PIP5K1B: variants seen among roughly 807,000 people sequenced by gnomAD.
PIP5K1B encodes phosphatidylinositol-4-phosphate 5-kinase type 1 beta.
Under a neutral mutation model 67.0 loss-of-function variants are expected in PIP5K1B, and 42 were observed. The observed-to-expected ratio is 0.63, with a 90% CI of 0.49 to 0.81. The LOEUF (loss-of-function observed/expected upper bound fraction) is 0.81, where lower values mean the gene tolerates loss of function less well. Among genes scored for constraint, PIP5K1B ranks in the 30% least tolerant of loss-of-function variants. PIP5K1B has a pLI of 0.00. For synonymous variants in PIP5K1B, 214 were observed against 231.4 expected (o/e 0.92, Z 0.68); for missense variants, 459 against 646.3 (o/e 0.71, Z 3.14).
rs538582941 is a variant in PIP5K1B at position 68,952,825 on chromosome 9, G to GCCTTCCTT, written c.1502+12048_1502+12055dup. 1.8e-4 allele frequency among the ~76,000 whole-genome samples: 25 copies of GCCTTCCTT among 142,462 alleles called. 1 individual carries two copies. The highest frequency in any genetic ancestry group is 5.4e-4 in the African/African-American group (19 of 34,968). 93.5% of individuals were successfully genotyped at this position (142,462 alleles called of 152,430 possible). On this transcript the variant is annotated intron_variant, in intron 14 of 15. Transcript: ENST00000265382. ...TGCCTGTCTGCCTGCCTGCCTGCCT[G>GCCTTCCTT]CCTTCCTTCCTTCCTTCCTTTCTTC...
rs565058701 is a variant in PIP5K1B at position 68,972,402 on chromosome 9, C to T, written c.1503-18738C>T. 6.6e-5 allele frequency among the ~76,000 whole-genome samples: 10 copies of T among 152,094 alleles called. No homozygotes were observed. The South Asian group carries it at 1.2e-3, about 19-fold the overall frequency. ...CAGCCATTTGATTGTTAATAATGGG[C>T]GATCGAGGCGGGTGGATCACCTGAG... On this transcript the variant is annotated intron_variant, in intron 14 of 15. Coordinates refer to ENST00000265382, the MANE Select transcript of PIP5K1B (RefSeq NM_003558.4).
At chr9:68,927,531 A>T (rs961202870) in intron 12 of PIP5K1B, among the ~76,000 whole-genome samples, 9 of 152,180 alleles carry the variant, frequency 5.9e-5, no homozygotes, top group Admixed American at 4.6e-4. Flanking sequence ...TAATGGTATT[A>T]AACATCTTGT....
At chr9:68,882,572 G>GA (rs1824252240) in intron 6 of PIP5K1B, among the ~76,000 whole-genome samples, 1 of 152,098 alleles carries the variant, frequency 6.6e-6, no homozygotes, top group Non-Finnish European at 1.5e-5. Context: ...GGGAGCAGAT[G>GA]TTCAGGTCTG....
intron 2 of PIP5K1B, among the ~76,000 whole-genome samples, chr9:68,763,617 A>G (rs775666509): frequency 3.3e-5 from 5 of 152,134 alleles, no homozygotes; most frequent in African/African-American, 9.7e-5. Context: ...AAAAAATACA[A>G]TTCACAGCTC....
At chr9:68,940,152 A>G (rs2132634229) in intron 13 of PIP5K1B, among the ~76,000 whole-genome samples, 1 of 152,366 alleles carries the variant, frequency 6.6e-6, no homozygotes, top group Non-Finnish European at 1.5e-5. Flanking sequence ...AGATGGGGTT[A>G]AGGTAGAGCT....
rs1827065002 is a variant in PIP5K1B at position 68,705,279 on chromosome 9, G to A, written c.-726G>A. Reference sequence around the variant, plus strand: ...CTCCGACTCCGGCGCGCACCAAGCGGGAACCCGCGCCCGAGCCCGGCGGGC... The same window carrying A: ...CTCCGACTCCGGCGCGCACCAAGCGAGAACCCGCGCCCGAGCCCGGCGGGC... On this transcript the variant is annotated 5_prime_UTR_variant, in exon 1 of 16. Coordinates refer to ENST00000265382, the MANE Select transcript of PIP5K1B (RefSeq NM_003558.4). 6.6e-6 allele frequency: 1 copy of A among 151,752 alleles called. No individual in the cohort carries two copies. The highest frequency in any genetic ancestry group is 2.4e-5 in the African/African-American group (1 of 41,398). 9.4% of individuals were successfully genotyped at this position (151,752 alleles called of 1,614,324 possible).
At position 68,813,736 on chromosome 9, in the gene PIP5K1B, G is replaced by A. The variant is rs138698976; in HGVS notation, c.-85-4725G>A. ...AAGAGGGAGACACATGGAGAGAAGCGCTAAATGGTGACAGAGGCCAGGGCT... is the reference window on the plus strand; with the variant it reads ...AAGAGGGAGACACATGGAGAGAAGCACTAAATGGTGACAGAGGCCAGGGCT... On this transcript the variant is annotated intron_variant, in intron 2 of 15. Transcript: ENST00000265382. Among the ~76,000 whole-genome samples, 280 of 152,256 alleles carry A rather than the reference G, an allele frequency of 1.8e-3. 1 individual carries two copies. The highest frequency in any genetic ancestry group is 6.5e-3 in the African/African-American group (272 of 41,558).
intron 1 of PIP5K1B, among the ~76,000 whole-genome samples, chr9:68,732,842 C>T (rs1828509913): frequency 7.6e-6 from 1 of 131,260 alleles, no homozygotes; most frequent in Non-Finnish European, 1.6e-5. Context: ...GTGGGCATTA[C>T]AATTGATTAC....
intron 1 of PIP5K1B, among the ~76,000 whole-genome samples, chr9:68,713,117 G>A (rs1587327407): frequency 6.6e-6 from 1 of 152,208 alleles, no homozygotes; most frequent in South Asian, 2.1e-4. Flanking sequence ...ATGCAGATGA[G>A]GCCAGGCGCG....
intron 1 of PIP5K1B, among the ~76,000 whole-genome samples, chr9:68,720,406 C>T (rs903751813): frequency 6.6e-6 from 1 of 152,178 alleles, no homozygotes; most frequent in Non-Finnish European, 1.5e-5. Context: ...CCAACTCTTA[C>T]CTCTTTGAAC....
At chr9:68,783,921 T>G (rs1831453150) in intron 2 of PIP5K1B, 1 of 150,350 alleles carries the variant, frequency 6.7e-6, no homozygotes, top group South Asian at 2.5e-4. Context: ...TATGCCAAAA[T>G]GTATTAATTC....
At chr9:68,811,546 C>T (rs1833167132) in intron 2 of PIP5K1B, among the ~76,000 whole-genome samples, 1 of 152,160 alleles carries the variant, frequency 6.6e-6, no homozygotes, top group East Asian at 1.9e-4. Context: ...ACATACCCCT[C>T]CTACTGCAGT....
chr9:68,742,994 A>G (rs1216559577), intron 2 of PIP5K1B, among the ~76,000 whole-genome samples: 3 of 152,204 alleles, frequency 2.0e-5, no homozygotes, highest in African/African-American at 7.2e-5. Context: ...AACTGAAAAT[A>G]TGAGCCAGAA....
intron 5 of PIP5K1B, among the ~76,000 whole-genome samples, chr9:68,871,795 G>A (rs766429280): frequency 6.6e-5 from 10 of 152,068 alleles, no homozygotes; most frequent in Non-Finnish European, 1.2e-4. Flanking sequence ...TTTTGTTGTC[G>A]AAATTTTACT....
intron 8 of PIP5K1B, among the ~76,000 whole-genome samples, chr9:68,904,624 G>A (rs1325564075): frequency 6.6e-6 from 1 of 152,184 alleles, no homozygotes; most frequent in Admixed American, 6.5e-5. Flanking sequence ...CGGTTACAGG[G>A]GGGTTGATTG....
chr9:68,880,232 G>A (rs543558385), intron 6 of PIP5K1B, among the ~76,000 whole-genome samples: 13 of 152,212 alleles, frequency 8.5e-5, no homozygotes, highest in Non-Finnish European at 1.2e-4. Context: ...AATTCTTTTC[G>A]CTTTTATGTA....
At chr9:68,714,811 C>G (rs1294551480) in intron 1 of PIP5K1B, among the ~76,000 whole-genome samples, 2 of 152,308 alleles carry the variant, frequency 1.3e-5, no homozygotes, top group East Asian at 3.9e-4. Context: ...CAGTGTAGCT[C>G]TAGGGACTTG....
intron 15 of PIP5K1B, among the ~76,000 whole-genome samples, chr9:69,007,382 T>G (rs1471907618): frequency 6.6e-6 from 1 of 152,220 alleles, no homozygotes; most frequent in African/African-American, 2.4e-5. Context: ...ACATGCCAGG[T>G]ACAGTACTCA....
chr9:68,718,429 A>G (rs907356729), intron 1 of PIP5K1B, among the ~76,000 whole-genome samples: 1 of 152,232 alleles, frequency 6.6e-6, no homozygotes, highest in African/African-American at 2.4e-5. Flanking sequence ...TGTGAAGAAT[A>G]AAGAATAATT....
Sources: gnomAD v4.1 joint callset for allele counts (sites outside exome capture counted in the v4.1 genomes callset) on GRCh38, gnomAD v4.1.1 for gene constraint, MANE v1.5 for transcripts, NCBI Gene and HGNC (gene_info 2026-07-23, HGNC 2026-07-21) for gene names.